Variants in GLIS3 observed in about 807,000 individuals in gnomAD.
GLIS3 encodes the protein GLIS family zinc finger 3, also known as zinc finger protein GLIS3.
In GLIS3, 53 loss-of-function variants were observed where a neutral mutation model predicts 78.6. The observed-to-expected ratio is 0.67, with a 90% CI of 0.54 to 0.85. GLIS3 has a LOEUF of 0.85. GLIS3 is among the 40% of genes least tolerant of loss of function. The pLI is 0.00. For missense variants in GLIS3, 1,703 were observed against 1,231.1 expected, an observed-to-expected ratio of 1.38 and a Z score of -5.74; for synonymous variants, 684 against 509.9, an observed-to-expected ratio of 1.34 and a Z score of -4.60.
intron 4 of GLIS3, among the ~76,000 whole-genome samples, chr9:4,011,577 G>C (rs1290556829): frequency 6.6e-6 from 1 of 152,172 alleles, no homozygotes; most frequent in Non-Finnish European, 1.5e-5. Context: ...AGCTGCCTGA[G>C]CTAAGACCTG....
the GLIS3 span, among the ~76,000 whole-genome samples, chr9:4,354,854 T>C: frequency 0.61 from 92,633 of 152,002 alleles, 29,423 homozygotes; most frequent in Non-Finnish European, 0.7. Context: ...TGGTGGCTCA[T>C]GCCTGTAATC....
chr9:4,297,562 G>C (rs1287135613), intron 1 of GLIS3, among the ~76,000 whole-genome samples: 1 of 152,204 alleles, frequency 6.6e-6, no homozygotes, highest in African/African-American at 2.4e-5. Context: ...GAGGAAGTTG[G>C]TTCTGCCGGC....
chr9:4,269,433 G>C (rs896472599), intron 2 of GLIS3, among the ~76,000 whole-genome samples: 2 of 152,190 alleles, frequency 1.3e-5, no homozygotes, highest in African/African-American at 4.8e-5. Context: ...ATCAAGAGAA[G>C]ACTGATCACA....
intron 6 of GLIS3, among the ~76,000 whole-genome samples, chr9:3,912,110 G>T (rs1318288521): frequency 6.6e-6 from 1 of 152,132 alleles, no homozygotes; most frequent in African/African-American, 2.4e-5. Flanking sequence ...CTGTAAAATG[G>T]AGTGATAACA....
intron 4 of GLIS3, among the ~76,000 whole-genome samples, chr9:4,117,407 G>A (rs1402280071): frequency 1.3e-5 from 2 of 152,178 alleles, no homozygotes; most frequent in East Asian, 3.8e-4. Flanking sequence ...ATTTGCTTTG[G>A]AAAAGAACTA....
At chr9:4,424,157 A>T in the GLIS3 span, among the ~76,000 whole-genome samples, 6 of 152,212 alleles carry the variant, frequency 3.9e-5, no homozygotes, top group African/African-American at 1.4e-4. Context: ...TTCTTTTTTA[A>T]GTGATATTTC....
At chr9:4,003,966 T>G (rs1479690878) in intron 4 of GLIS3, among the ~76,000 whole-genome samples, 1 of 152,220 alleles carries the variant, frequency 6.6e-6, no homozygotes, top group Non-Finnish European at 1.5e-5. Flanking sequence ...TTACGATGAC[T>G]ATTATTATGA....
the GLIS3 span, among the ~76,000 whole-genome samples, chr9:4,417,588 T>C: frequency 6.6e-6 from 1 of 152,364 alleles, no homozygotes; most frequent in South Asian, 2.1e-4. Context: ...AACATTCCTA[T>C]ACATGCAATT....
intron 1 of GLIS3, among the ~76,000 whole-genome samples, chr9:4,290,124 C>G (rs1330503554): frequency 1.3e-5 from 2 of 152,090 alleles, no homozygotes. Flanking sequence ...GCTAAAGGCC[C>G]TTTCTTAGTA....
At chr9:4,338,385 C>CAT (rs1554659899) in intron 2 of GLIS3, among the ~76,000 whole-genome samples, 45 of 110,304 alleles carry the variant, frequency 4.1e-4, no homozygotes, top group African/African-American at 4.3e-4. Flanking sequence ...CACACACACA[C>CAT]ACATACACAC....
chr9:4,358,205 C>T, the GLIS3 span, among the ~76,000 whole-genome samples: 1 of 152,094 alleles, frequency 6.6e-6, no homozygotes, highest in African/African-American at 2.4e-5. Flanking sequence ...ACTGTAAATA[C>T]TAGTTGCTGC....
chr9:4,093,323 C>T (rs1274260856), intron 4 of GLIS3, among the ~76,000 whole-genome samples: 6 of 151,904 alleles, frequency 3.9e-5, no homozygotes, highest in Admixed American at 3.9e-4. Flanking sequence ...CTGAAAAGAG[C>T]CAGTCACTTT....
intron 3 of GLIS3, among the ~76,000 whole-genome samples, chr9:4,124,982 C>T (rs1238598974): frequency 6.6e-6 from 1 of 152,156 alleles, no homozygotes; most frequent in African/African-American, 2.4e-5. Context: ...TGGCTTTATG[C>T]CCCCTCCCAC....
chr9:4,474,697 A>AT, the GLIS3 span, among the ~76,000 whole-genome samples: 1,749 of 128,304 alleles, frequency 0.014, 19 homozygotes, highest in African/African-American at 0.028. Context: ...GTCCAAAGCA[A>AT]TTTTTTTTTT....
chr9:4,373,990 C>G, the GLIS3 span, among the ~76,000 whole-genome samples: 43 of 152,204 alleles, frequency 2.8e-4, no homozygotes, highest in African/African-American at 1.0e-3. Context: ...CAAACTGTGA[C>G]TATTGAACAA....
chr9:3,831,036 TATC>T (rs1818013373), intron 9 of GLIS3, among the ~76,000 whole-genome samples: 1 of 152,216 alleles, frequency 6.6e-6, no homozygotes, highest in South Asian at 2.1e-4. Context: ...TCTAGGAGTC[TATC>T]ATCCAAGATA....
the GLIS3 span, among the ~76,000 whole-genome samples, chr9:4,487,880 C>A: frequency 1.3e-5 from 2 of 151,858 alleles, no homozygotes; most frequent in Admixed American, 1.3e-4. Context: ...TTTGTAGAAT[C>A]AAGATTTCAC....
intron 2 of GLIS3, among the ~76,000 whole-genome samples, chr9:4,240,767 G>A (rs968968681): frequency 6.6e-6 from 1 of 152,096 alleles, no homozygotes; most frequent in African/African-American, 2.4e-5. Flanking sequence ...AGGCTTAATA[G>A]CTGGGTGATG....
chr9:3,911,224 A>G (rs753312888), intron 6 of GLIS3, among the ~76,000 whole-genome samples: 17 of 152,196 alleles, frequency 1.1e-4, no homozygotes, highest in Non-Finnish European at 1.6e-4. Flanking sequence ...ACATAAGACA[A>G]TTGAAGTTCC....
Sources: gnomAD v4.1 joint callset for allele counts (sites outside exome capture counted in the v4.1 genomes callset) on GRCh38, gnomAD v4.1.1 for gene constraint, MANE v1.5 for transcripts, NCBI Gene and HGNC (gene_info 2026-07-23, HGNC 2026-07-21) for gene names.